Variants in NRG1 observed in about 807,000 individuals in gnomAD.
The protein encoded by NRG1 is pro-neuregulin-1, membrane-bound isoform.
A neutral mutation model predicts 63.8 loss-of-function variants in NRG1; 18 were observed. The observed-to-expected ratio is 0.28, with a 90% confidence interval of 0.19 to 0.42. NRG1 has a LOEUF of 0.42. Ranked by LOEUF, NRG1 falls within the 10% of genes least tolerant of loss-of-function variation. The pLI is 1.00. For missense variants in NRG1, 762 were observed against 814.7 expected, an observed-to-expected ratio of 0.94 and a Z score of 0.79; for synonymous variants, 302 against 301.3, an observed-to-expected ratio of 1.00 and a Z score of -0.02.
chr8:32,321,105 C>A (rs1744790821), intron 1 of NRG1, among the ~76,000 whole-genome samples: 1 of 152,020 alleles, frequency 6.6e-6, no homozygotes, highest in African/African-American at 2.4e-5. Flanking sequence ...TCTTAAATAA[C>A]CAATACTTAA....
intron 1 of NRG1, among the ~76,000 whole-genome samples, chr8:32,173,741 A>C (rs888772906): frequency 7.6e-4 from 116 of 152,228 alleles, no homozygotes; most frequent in Non-Finnish European, 1.5e-3. Flanking sequence ...AAAGAGACAA[A>C]GAAGGCCATT....
intron 2 of NRG1, among the ~76,000 whole-genome samples, chr8:32,596,228 G>A (rs188530809): frequency 6.6e-6 from 1 of 152,282 alleles, no homozygotes; most frequent in Admixed American, 6.5e-5. Flanking sequence ...GCTGGAGAAA[G>A]AACTGTAGGA....
At chr8:31,762,463 G>A (rs1817656087) in intron 1 of NRG1, among the ~76,000 whole-genome samples, 1 of 152,212 alleles carries the variant, frequency 6.6e-6, no homozygotes, top group Non-Finnish European at 1.5e-5. Flanking sequence ...CATATGGACT[G>A]GTTCCATGTC....
At chr8:32,135,208 G>T (rs1296896955) in intron 1 of NRG1, among the ~76,000 whole-genome samples, 3 of 152,154 alleles carry the variant, frequency 2.0e-5, no homozygotes, top group East Asian at 3.9e-4. Flanking sequence ...CCAGGCTAAG[G>T]TGTTTATGTT....
intron 1 of NRG1, among the ~76,000 whole-genome samples, chr8:32,124,765 G>A (rs17693167): frequency 0.42 from 63,714 of 151,628 alleles, 14,425 homozygotes; most frequent in Admixed American, 0.5. Flanking sequence ...GGCAACAAAA[G>A]TTATCACAAC....
chr8:32,148,285 G>A (rs1287575354), intron 1 of NRG1, among the ~76,000 whole-genome samples: 3 of 152,128 alleles, frequency 2.0e-5, no homozygotes, highest in Non-Finnish European at 4.4e-5. Context: ...ACACAATCAG[G>A]CCCTAGGACC....
At chr8:31,849,521 T>C (rs1046999902) in intron 1 of NRG1, among the ~76,000 whole-genome samples, 1 of 152,262 alleles carries the variant, frequency 6.6e-6, no homozygotes, top group Non-Finnish European at 1.5e-5. Flanking sequence ...AGCTGTCCAC[T>C]GGACAAATAC....
intron 5 of NRG1, among the ~76,000 whole-genome samples, chr8:32,692,822 C>G (rs1812154637): frequency 6.6e-6 from 1 of 152,152 alleles, no homozygotes; most frequent in African/African-American, 2.4e-5. Flanking sequence ...GAGAAACACC[C>G]TCTTTCTCTA....
intron 1 of NRG1, among the ~76,000 whole-genome samples, chr8:32,261,776 G>A (rs1011504917): frequency 2.6e-5 from 4 of 152,018 alleles, no homozygotes; most frequent in Non-Finnish European, 4.4e-5. Flanking sequence ...CCCTAATTTG[G>A]GACTTATATC....
At chr8:31,902,962 C>A (rs963465456) in intron 1 of NRG1, among the ~76,000 whole-genome samples, 7 of 152,128 alleles carry the variant, frequency 4.6e-5, no homozygotes, top group African/African-American at 1.7e-4. Flanking sequence ...CTACCTTGTT[C>A]TCCCTCTCAT....
chr8:32,356,203 A>C (rs1806365405), intron 1 of NRG1, among the ~76,000 whole-genome samples: 1 of 152,234 alleles, frequency 6.6e-6, no homozygotes, highest in South Asian at 2.1e-4. Flanking sequence ...TTTATATCAC[A>C]TTCAAACATA....
At chr8:32,417,124 A>T (rs1362040828) in intron 1 of NRG1, among the ~76,000 whole-genome samples, 1 of 152,194 alleles carries the variant, frequency 6.6e-6, no homozygotes, top group African/African-American at 2.4e-5. Flanking sequence ...ATATGACAGG[A>T]CATACAAACA....
chr8:32,709,761 A>C (rs1286034035), intron 5 of NRG1, among the ~76,000 whole-genome samples: 1 of 152,136 alleles, frequency 6.6e-6, no homozygotes, highest in Non-Finnish European at 1.5e-5. Context: ...AGAGGTTCTG[A>C]GAACATGTGT....
intron 1 of NRG1, among the ~76,000 whole-genome samples, chr8:31,750,928 G>A (rs1816397032): frequency 6.6e-6 from 1 of 151,938 alleles, no homozygotes. Context: ...CAGGTCATTG[G>A]AATTTGTGTA....
At chr8:32,362,953 C>T (rs1180058789) in intron 1 of NRG1, among the ~76,000 whole-genome samples, 1 of 152,080 alleles carries the variant, frequency 6.6e-6, no homozygotes, top group Non-Finnish European at 1.5e-5. Context: ...GCAGAGGGGC[C>T]CTCATTAGAC....
In NRG1 at chr8:32,483,843, G is replaced by A. The variant is rs527873917; in HGVS notation, c.38-111985G>A. Among the ~76,000 whole-genome samples the A allele has an allele frequency of 2.1e-4, 32 of 152,252 alleles. No homozygotes were observed. The South Asian group carries it at 2.3e-3, about 11-fold the overall frequency. ...GAAGTGGCCAGGTGCGGTGGCTCAC[G>A]CCTGTAATCCCAGCACTTTGGGGGG... On this transcript the variant is annotated intron_variant, in intron 1 of 10. Transcript: ENST00000519301.
At chr8:32,766,585 C>T (rs994478939) in exon 12 of NRG1, 6 of 152,136 alleles carry the variant, frequency 3.9e-5, no homozygotes, top group Non-Finnish European at 8.8e-5. Flanking sequence ...CATTGGGGTA[C>T]TCAGATATCC....
chr8:32,379,598 A>G (rs1316047668), intron 1 of NRG1, among the ~76,000 whole-genome samples: 1 of 152,234 alleles, frequency 6.6e-6, no homozygotes. Context: ...GAGCTCCTAC[A>G]GGATGCCATC....
intron 1 of NRG1, among the ~76,000 whole-genome samples, chr8:32,470,172 C>G (rs1357792568): frequency 2.1e-5 from 3 of 141,312 alleles, no homozygotes; most frequent in Non-Finnish European, 3.1e-5. Flanking sequence ...TGAGCCCGGC[C>G]GAAAAGGACT....
Sources: gnomAD v4.1 joint callset for allele counts (sites outside exome capture counted in the v4.1 genomes callset) on GRCh38, gnomAD v4.1.1 for gene constraint, MANE v1.5 for transcripts, NCBI Gene and HGNC (gene_info 2026-07-23, HGNC 2026-07-21) for gene names.